Variants in DENND3 observed in about 807,000 individuals in gnomAD.
DENND3 encodes DENN domain-containing protein 3.
Under a neutral mutation model 135.1 loss-of-function variants are expected in DENND3, and 88 were observed. The ratio of observed to expected loss-of-function variants is 0.65; its 90% CI spans 0.55 to 0.78. The LOEUF is 0.78. DENND3 is among the 30% of genes least tolerant of loss of function. DENND3 has a pLI of 0.00. For missense variants in DENND3, 1,392 were observed against 1,688.4 expected (o/e 0.82, Z 3.08); for synonymous variants, 693 against 712.3 (o/e 0.97, Z 0.43).
At chr8:141,176,383 G>T in intron 14 of DENND3, 1 of 592,146 alleles carries the variant, frequency 1.7e-6, no homozygotes. Flanking sequence ...TGTGTGGGTG[G>T]GTGTAGGTGC....
chr8:141,184,636 C>T (rs1365288203), intron 17 of DENND3: 1 of 153,610 alleles, frequency 6.5e-6, no homozygotes, highest in East Asian at 1.9e-4. Flanking sequence ...AAGCCAAAAG[C>T]TCCACACCCT....
intron 5 of DENND3, among the ~76,000 whole-genome samples, chr8:141,149,246 C>G (rs307754): frequency 0.25 from 37,514 of 152,136 alleles, 7,156 homozygotes; most frequent in African/African-American, 0.51. Flanking sequence ...TGCTTCTGTA[C>G]ACAAATTGGT....
chr8:141,155,473 G>A (rs980835957), intron 7 of DENND3, among the ~76,000 whole-genome samples: 45 of 151,412 alleles, frequency 3.0e-4, no homozygotes, highest in African/African-American at 1.0e-3. Context: ...GTGTGATCTC[G>A]GCTCACTGCG....
Position 141,166,865 on chromosome 8 carries a change from C to T in DENND3, c.1753+476C>T, listed in dbSNP as rs534199519. On this transcript the variant is annotated intron_variant, in intron 12 of 22. Transcript: ENST00000519811. The surrounding 1 kb of genome is among the most constrained non-coding windows in gnomAD (Gnocchi z 4.3). ...GGAGGGGGCTTGACTGTGGTTGGGA[C>T]ATTTCCACAGAGATGGGACTGCATG... 1.3e-5 allele frequency among the ~76,000 whole-genome samples: 2 copies of T among 152,296 alleles called. No homozygotes were observed. Among genetic ancestry groups the T allele is most frequent in the East Asian group, 3.9e-4 (2 of 5,178 alleles).
In DENND3 at chr8:141,175,663, T is replaced by C. The variant is rs1421486304; in HGVS notation, c.2535+204T>C. The C allele has an allele frequency of 1.5e-5, 11 of 718,598 alleles. No homozygotes were observed. 44.5% of individuals were successfully genotyped at this position (718,598 alleles called of 1,614,324 possible). ...TTCTCAGTGGGTGGTGGAGATTGAA[T>C]AGTTTGCATATGGAGCATGCTTAGA... On this transcript the variant is annotated intron_variant, in intron 14 of 22. Transcript: ENST00000519811. This position sits in a 1 kb window ranked among gnomAD's most constrained non-coding sequence, Gnocchi z 5.4.
In DENND3 at chr8:141,151,848, G is replaced by A. The variant is rs11997451; in HGVS notation, c.1074+11G>A. 8.0e-4 allele frequency: 1,298 copies of A among 1,613,154 alleles called. 7 individuals are homozygous for A. In the African/African-American group the frequency reaches 0.015, roughly 19 times the overall value. On this transcript the variant is annotated intron_variant, in intron 7 of 22. Transcript: ENST00000519811. ...GAAGAAGTCAGCAAGGTTAGGTAGC[G>A]AACCTTTGACTTGGAATGCTAAATT...
intron 22 of DENND3, chr8:141,193,042 C>T (rs1018325330): frequency 4.6e-5 from 23 of 495,484 alleles, no homozygotes; most frequent in South Asian, 6.9e-5. Flanking sequence ...ATGTGGCCGC[C>T]GTCCTTGGCG....
At chr8:141,181,102 CT>C (rs1348372309) in intron 17 of DENND3, among the ~76,000 whole-genome samples, 1 of 152,240 alleles carries the variant, frequency 6.6e-6, no homozygotes, top group African/African-American at 2.4e-5. Context: ...GGGGCCAGCA[CT>C]TGAGCTCCCG....
At chr8:141,183,594 T>C (rs980550713) in intron 17 of DENND3, among the ~76,000 whole-genome samples, 2 of 151,822 alleles carry the variant, frequency 1.3e-5, no homozygotes, top group African/African-American at 4.8e-5. Context: ...TTTTTTTTCC[T>C]CCTTTCAAAT....
chr8:141,173,018 G>A (rs1226326631), intron 13 of DENND3, among the ~76,000 whole-genome samples: 2 of 150,086 alleles, frequency 1.3e-5, no homozygotes, highest in Non-Finnish European at 3.0e-5. Context: ...AGTCAGAGGC[G>A]GAGGTGGCTG....
rs1448604282 is a variant in DENND3 at position 141,128,858 on chromosome 8, G to A, written c.102+49G>A. The A allele has an allele frequency of 6.9e-6, 9 of 1,306,958 alleles. No homozygotes were observed. Among genetic ancestry groups the A allele is most frequent in the Non-Finnish European group, 8.9e-6 (9 of 1,007,026 alleles). The allele number at this position is 1,306,958 out of a possible 1,614,324, so 81.0% of individuals were successfully genotyped here. A position where few individuals can be genotyped will look rare whatever the true frequency, so the allele number is the denominator to read the frequency against. ...GGACGTGGGCCACGAGTCGGCAGCC[G>A]GGACAGCAGTCGGAGAGCGGGCGCC... On this transcript the variant is annotated intron_variant, in intron 1 of 22. Coordinates refer to ENST00000519811, the MANE Select transcript of DENND3 (RefSeq NM_001352890.3). This position sits in a 1 kb window ranked among gnomAD's most constrained non-coding sequence, Gnocchi z 4.5.
At position 141,128,792 on chromosome 8, in the gene DENND3, C is replaced by G; in HGVS notation, c.85C>G (p.Leu29Val). The G allele has an allele frequency of 4.8e-6, 7 of 1,448,908 alleles. No individual in the cohort carries two copies. The highest frequency in any genetic ancestry group is 1.5e-5 in the African/African-American group (1 of 68,064). The allele number at this position is 1,448,908 out of a possible 1,614,324, so 89.8% of individuals were successfully genotyped here. A position where few individuals can be genotyped will look rare whatever the true frequency, so the allele number is the denominator to read the frequency against. Residue 29 changes from leucine to valine, a missense_variant, in exon 1 of 23, where the codon CTC becomes GTC. Physicochemically the swap from Leu to Val is conservative, Grantham distance 32. Transcript: ENST00000519811. This position sits in a 1 kb window ranked among gnomAD's most constrained non-coding sequence, Gnocchi z 4.5. ...GCTGCTGGGCGCCCCCCGGGACAGT[C>G]TCCGAAGTCTCGAGCAGGTGAGGGG... ...CALLGAPRDSLRSLEQVAYKK... is the reference protein window; with the variant it reads ...CALLGAPRDSVRSLEQVAYKK...
At chr8:141,150,992 C>G (rs1818739791) in intron 6 of DENND3, 39 bp downstream of exon 6, 17 of 1,486,482 alleles carry the variant, frequency 1.1e-5, no homozygotes, top group Non-Finnish European at 1.4e-5. Context: ...CTTGTGCTCC[C>G]TGCCTTAGTG....
At position 141,141,949 on chromosome 8, in the gene DENND3, CAGG is replaced by C. The variant is rs1465591200; in HGVS notation, c.623+630_623+632del. 1 of 199,256 alleles carries C rather than the reference CAGG, an allele frequency of 5.0e-6. No homozygotes were observed. The highest frequency in any genetic ancestry group is 1.0e-5 in the Non-Finnish European group (1 of 95,536). 12.3% of individuals were successfully genotyped at this position (199,256 alleles called of 1,614,324 possible). A position where few individuals can be genotyped will look rare whatever the true frequency, so the allele number is the denominator to read the frequency against. On this transcript the variant is annotated intron_variant, in intron 4 of 22. Coordinates refer to ENST00000519811, the MANE Select transcript of DENND3 (RefSeq NM_001352890.3). This position sits in a 1 kb window ranked among gnomAD's most constrained non-coding sequence, Gnocchi z 5.3. ...GTCCCAGCTACTGGGAAGGCTAACG[CAGG>C]AGGATGGCTTAAGCCTAGGAGTTCA... is the stretch of plus-strand genomic sequence containing the variant.
chr8:141,192,833 G>T, intron 22 of DENND3, 170 bp downstream of exon 22: 1 of 1,546,362 alleles, frequency 6.5e-7, no homozygotes, highest in Non-Finnish European at 8.7e-7. Flanking sequence ...GGGCCCACAG[G>T]TCACCATGTG....
chr8:141,172,548 CAAG>C (rs1331946366), intron 13 of DENND3, among the ~76,000 whole-genome samples: 1 of 152,186 alleles, frequency 6.6e-6, no homozygotes, highest in South Asian at 2.1e-4. Context: ...GACCAGGCAG[CAAG>C]AAGATTTGCC....
rs561485071 is a variant in DENND3, at chr8:141,130,794, C to T, written c.102+1985C>T. Among the ~76,000 whole-genome samples the T allele has an allele frequency of 9.2e-4, 139 of 151,604 alleles. 1 individual carries two copies. Among genetic ancestry groups the T allele is most frequent in the African/African-American group, 3.3e-3 (135 of 41,244 alleles). ...CTCCGCCTCCTGAGTTCAAGCAATTCTCCTGCCTCAGCCTCCTAAGTAGCT... is the reference window on the plus strand; with the variant it reads ...CTCCGCCTCCTGAGTTCAAGCAATTTTCCTGCCTCAGCCTCCTAAGTAGCT... On this transcript the variant is annotated intron_variant, in intron 1 of 22. Coordinates refer to ENST00000519811, the MANE Select transcript of DENND3 (RefSeq NM_001352890.3). The surrounding 1 kb of genome is among the most constrained non-coding windows in gnomAD (Gnocchi z 4.2).
intron 7 of DENND3, among the ~76,000 whole-genome samples, chr8:141,153,976 G>A (rs1001836980): frequency 2.0e-5 from 3 of 152,148 alleles, no homozygotes; most frequent in African/African-American, 7.2e-5. Context: ...CTGGCGGTGG[G>A]ATCTGCAGGA....
chr8:141,185,650 A>AC (rs1258715297), intron 18 of DENND3, among the ~76,000 whole-genome samples: 22 of 151,720 alleles, frequency 1.5e-4, no homozygotes, highest in African/African-American at 4.8e-4. Flanking sequence ...ACAGAGTGAG[A>AC]CCCCATCTCT....
Sources: allele counts gnomAD v4.1 joint callset (sites outside exome capture counted in the v4.1 genomes callset), GRCh38; gene constraint gnomAD v4.1.1; non-coding constraint Gnocchi (gnomAD v3.1); transcripts MANE v1.5; gene names NCBI Gene and HGNC (gene_info 2026-07-23, HGNC 2026-07-21).